Variants in CFLAR observed in about 807,000 individuals in gnomAD.
The protein encoded by CFLAR is CASP8 and FADD-like apoptosis regulator.
A neutral mutation model predicts 51.1 loss-of-function variants in CFLAR; 14 were observed. The observed-to-expected ratio is 0.27, with a 90% CI of 0.18 to 0.43. The LOEUF (loss-of-function observed/expected upper bound fraction) is 0.43, where lower values mean the gene tolerates loss of function less well. CFLAR is among the 20% of genes least tolerant of loss of function. The probability of loss-of-function intolerance (pLI) is 1.00; values close to 1 mark genes in which losing one functional copy is unlikely to be tolerated. For synonymous variants in CFLAR, 210 were observed against 211.6 expected, an observed-to-expected ratio of 0.99 and a Z score of 0.06; for missense variants, 390 against 566.5, an observed-to-expected ratio of 0.69 and a Z score of 3.16.
chr2:201,149,694 G>A, intron 7 of CFLAR, 60 bp from the exon 8 acceptor site: 1 of 1,301,628 alleles, frequency 7.7e-7, no homozygotes, highest in African/African-American at 1.5e-5. Flanking sequence ...TATATGGGTG[G>A]GACCTTATAG....
At chr2:201,139,281 G>C (rs1319109975) in intron 4 of CFLAR, 1 of 286,110 alleles carries the variant, frequency 3.5e-6, no homozygotes, top group African/African-American at 2.2e-5. Context: ...AAGTACCCAG[G>C]GACACAAACA....
chr2:201,158,865 ATT>A (rs1942625121), intron 8 of CFLAR, among the ~76,000 whole-genome samples: 6 of 129,478 alleles, frequency 4.6e-5, no homozygotes, highest in Non-Finnish European at 1.1e-4. Flanking sequence ...TATTATTATT[ATT>A]ATTATTATTA....
At position 201,171,971 on chromosome 2, in the gene CFLAR, TCTC is replaced by T. The variant is rs1944047924; in HGVS notation, c.*8001_*8003del. On this transcript the variant is annotated 3_prime_UTR_variant, in exon 10 of 10. Transcript: ENST00000309955. ...TACTTCAAGGGCAGTTCAAATACCA[TCTC>T]CTTCTATCCTCCATGAAGTCAGTTA... The T allele has an allele frequency of 6.6e-6, 1 of 152,166 alleles. No individual in the cohort carries two copies. Among genetic ancestry groups the T allele is most frequent in the South Asian group, 2.1e-4 (1 of 4,830 alleles). The allele number at this position is 152,166 out of a possible 1,614,324, so 9.4% of individuals were successfully genotyped here. A position where few individuals can be genotyped will look rare whatever the true frequency, so the allele number is the denominator to read the frequency against.
At position 201,167,156 on chromosome 2, in the gene CFLAR, T is replaced by A. The variant is rs1408418175; in HGVS notation, c.*3183T>A. 6.6e-6 allele frequency: 1 copy of A among 152,130 alleles called. No individual in the cohort carries two copies. The highest frequency in any genetic ancestry group is 1.5e-5 in the Non-Finnish European group (1 of 68,030). The allele number at this position is 152,130 out of a possible 1,614,324, so 9.4% of individuals were successfully genotyped here. On this transcript the variant is annotated 3_prime_UTR_variant, in exon 10 of 10. Coordinates refer to ENST00000309955, the MANE Select transcript of CFLAR (RefSeq NM_003879.7). ...ATTTTGTCATGATCATGTAACAGAG[T>A]CTGAAAAGTGTCGAAGAGACAGTTT...
chr2:201,140,483 T>C, intron 5 of CFLAR, 44 bp downstream of exon 5: 1 of 1,441,454 alleles, frequency 6.9e-7, no homozygotes. Context: ...TGAAACCGTT[T>C]CAGAGTTCTA....
rs181533118 is a variant in CFLAR, at chr2:201,166,189, C to T, written c.*2216C>T. ...ACGCGCCCCCCACCTCCCTCCCGGA[C>T]GGGATAGCTGGCCGGGCGGGGGCTG... On this transcript the variant is annotated 3_prime_UTR_variant, in exon 10 of 10. Coordinates refer to ENST00000309955, the MANE Select transcript of CFLAR (RefSeq NM_003879.7). 57 of 159,432 alleles carry T rather than the reference C, an allele frequency of 3.6e-4. No individual in the cohort carries two copies. The East Asian group carries it at 8.3e-3, about 23-fold the overall frequency. 9.9% of individuals were successfully genotyped at this position (159,432 alleles called of 1,614,324 possible). A position where few individuals can be genotyped will look rare whatever the true frequency, so the allele number is the denominator to read the frequency against.
chr2:201,160,976 C>T lies in CFLAR; in HGVS notation c.1304+34C>T, dbSNP rs745498717. 5.3e-5 allele frequency: 81 copies of T among 1,525,698 alleles called. 3 individuals carry two copies. In the South Asian group the frequency reaches 8.3e-4, roughly 16 times the overall value. 94.5% of individuals were successfully genotyped at this position (1,525,698 alleles called of 1,614,324 possible). A position where few individuals can be genotyped will look rare whatever the true frequency, so the allele number is the denominator to read the frequency against. ...CCAGGAGGTGGTCAGTTCCGGACCA[C>T]CTGCTTATTTTCGTGCCACCAGGAT... On this transcript the variant is annotated intron_variant, in intron 9 of 9. Coordinates refer to ENST00000309955, the MANE Select transcript of CFLAR (RefSeq NM_003879.7).
intron 7 of CFLAR, 152 bp downstream of exon 7, chr2:201,149,204 A>G: frequency 1.8e-6 from 1 of 567,126 alleles, no homozygotes; most frequent in Non-Finnish European, 3.2e-6. Context: ...GGGAACCCTG[A>G]ATAACAAAGA....
rs566260055 is a variant in CFLAR, at chr2:201,152,653, C to T, written c.793+2818C>T. Among the ~76,000 whole-genome samples, 5 of 152,312 alleles carry T rather than the reference C, an allele frequency of 3.3e-5. No homozygotes were observed. In the South Asian group the frequency reaches 8.3e-4, roughly 25 times the overall value. On this transcript the variant is annotated intron_variant, in intron 8 of 9. Transcript: ENST00000309955. ...CCTAGGCCCAAGGGTGAGTGGAATG[C>T]ATCCCCATAGACTGAGGCGCACTGG...
At position 201,167,881 on chromosome 2, in the gene CFLAR, G is replaced by C. The variant is rs1943741021; in HGVS notation, c.*3908G>C. On this transcript the variant is annotated 3_prime_UTR_variant, in exon 10 of 10. Coordinates refer to ENST00000309955, the MANE Select transcript of CFLAR (RefSeq NM_003879.7). ...ACCTACCTCTGGACTTTTATGTGAG[G>C]GGAAAAAAAATTGACAGTTTATATT... 3.9e-5 allele frequency: 6 copies of C among 152,024 alleles called. No individual in the cohort carries two copies. The highest frequency in any genetic ancestry group is 3.9e-4 in the Admixed American group (6 of 15,258). The allele number at this position is 152,024 out of a possible 1,614,324, so 9.4% of individuals were successfully genotyped here. A position where few individuals can be genotyped will look rare whatever the true frequency, so the allele number is the denominator to read the frequency against.
At chr2:201,142,121 C>A (rs980678041) in intron 5 of CFLAR, among the ~76,000 whole-genome samples, 2 of 151,784 alleles carry the variant, frequency 1.3e-5, no homozygotes, top group African/African-American at 4.8e-5. Context: ...ACAAAAAATA[C>A]AAAAATTAGC....
intron 5 of CFLAR, chr2:201,141,443 A>C: frequency 4.5e-6 from 7 of 1,552,316 alleles, no homozygotes; most frequent in Non-Finnish European, 4.4e-6. Flanking sequence ...ATTAACATGG[A>C]ACTGCCTCTA....
intron 4 of CFLAR, 181 bp downstream of exon 4, chr2:201,136,288 C>T (rs1168429412): frequency 1.3e-6 from 2 of 1,599,656 alleles, no homozygotes; most frequent in Admixed American, 1.7e-5. Context: ...CCAGATCTGC[C>T]AACTCCATTG....
intron 1 of CFLAR, among the ~76,000 whole-genome samples, chr2:201,117,379 T>A (rs919097882): frequency 6.6e-6 from 1 of 152,188 alleles, no homozygotes; most frequent in Admixed American, 6.5e-5. Context: ...TCTTTTAATA[T>A]TAACAGTGGC....
intron 1 of CFLAR, among the ~76,000 whole-genome samples, chr2:201,121,858 A>AAT (rs780692496): frequency 2.6e-5 from 4 of 152,214 alleles, no homozygotes; most frequent in Non-Finnish European, 5.9e-5. Flanking sequence ...TATTCTCTTG[A>AAT]ATAGATGGGG....
chr2:201,160,073 C>A lies in CFLAR; in HGVS notation c.794-359C>A, dbSNP rs113499931. Among the ~76,000 whole-genome samples, 1,227 of 152,100 alleles carry A rather than the reference C, an allele frequency of 8.1e-3. 19 individuals carry two copies. The highest frequency in any genetic ancestry group is 0.028 in the African/African-American group (1,156 of 41,478). ...TGGGCTTCTCCCAGAGTGAGCCACT[C>A]AGAAGAGAGAAAGATTGTGAGGTCT... On this transcript the variant is annotated intron_variant, in intron 8 of 9. Coordinates refer to ENST00000309955, the MANE Select transcript of CFLAR (RefSeq NM_003879.7).
chr2:201,117,652 A>C (rs1481543791), intron 1 of CFLAR, among the ~76,000 whole-genome samples: 2 of 152,156 alleles, frequency 1.3e-5, no homozygotes, highest in Non-Finnish European at 2.9e-5. Context: ...ATTTCCGATA[A>C]GAGGAACGGA....
intron 5 of CFLAR, among the ~76,000 whole-genome samples, chr2:201,143,835 G>A (rs1053611103): frequency 4.6e-5 from 7 of 151,700 alleles, no homozygotes; most frequent in East Asian, 3.9e-4. Flanking sequence ...AGTGGCAGGC[G>A]CCTATAATCC....
intron 6 of CFLAR, among the ~76,000 whole-genome samples, chr2:201,147,235 A>G (rs1940365166): frequency 1.3e-5 from 2 of 152,142 alleles, no homozygotes; most frequent in Admixed American, 1.3e-4. Context: ...TAATAAAAGA[A>G]AAAGGTTTCT....
Sources: gnomAD v4.1 joint callset for allele counts (sites outside exome capture counted in the v4.1 genomes callset) on GRCh38, gnomAD v4.1.1 for gene constraint, MANE v1.5 for transcripts, NCBI Gene and HGNC (gene_info 2026-07-23, HGNC 2026-07-21) for gene names.